Variants in ITFG1 observed in about 807,000 individuals in gnomAD.
ITFG1 encodes the protein T-cell immunomodulatory protein.
In ITFG1, 34 loss-of-function variants were observed where a neutral mutation model predicts 81.8. The observed-to-expected ratio is 0.42, with a 90% CI of 0.32 to 0.55. ITFG1 has a LOEUF of 0.55. ITFG1 is among the 20% of genes least tolerant of loss of function. The pLI, the probability that ITFG1 is intolerant of heterozygous loss-of-function variation, is 0.17. For missense variants in ITFG1, 672 were observed against 755.4 expected (o/e 0.89, Z 1.29); for synonymous variants, 285 against 270.6 (o/e 1.05, Z -0.52).
Position 47,311,250 on chromosome 16 carries a change from T to C in ITFG1, c.1060A>G (p.Thr354Ala), listed in dbSNP as rs1183544993. 6.2e-7 allele frequency: 1 copy of C among 1,604,100 alleles called. No homozygotes were observed. Among genetic ancestry groups the C allele is most frequent in the African/African-American group, 1.3e-5 (1 of 74,590 alleles). Reference sequence around the variant, plus strand: ...ATTTAATTTCCTTACCTTCCAGATGTGTTCTTTAGTATGACCAGAGCGTCT... The same window carrying C: ...ATTTAATTTCCTTACCTTCCAGATGCGTTCTTTAGTATGACCAGAGCGTCT... ...YPDALVILKN[T>A]SGSNQQAFLL... Residue 354 changes from threonine (T) to alanine (A), a missense_variant, in exon 10 of 18, where the codon ACA (threonine) becomes GCA (alanine). By Grantham distance (58) the Thr-to-Ala change is moderately conservative. This residue lies in a region of ITFG1 where 560 missense variants were observed against 625.7 expected (regional missense o/e 0.90). Transcript: ENST00000320640.
chr16:47,223,424 C>T (rs1034452407), intron 13 of ITFG1, among the ~76,000 whole-genome samples: 5 of 152,192 alleles, frequency 3.3e-5, no homozygotes, highest in African/African-American at 1.2e-4. Context: ...AGACACTTCT[C>T]AAAAGAAGAC....
At chr16:47,276,471 T>A (rs1283251956) in intron 10 of ITFG1, among the ~76,000 whole-genome samples, 3 of 152,092 alleles carry the variant, frequency 2.0e-5, no homozygotes, top group Non-Finnish European at 4.4e-5. Context: ...TAAAATGTAA[T>A]CAAATCAATC....
intron 14 of ITFG1, among the ~76,000 whole-genome samples, chr16:47,185,072 G>A (rs1427960787): frequency 1.3e-5 from 2 of 151,566 alleles, no homozygotes; most frequent in African/African-American, 4.9e-5. Context: ...TCAACAAGAA[G>A]AGCTAACTAT....
chr16:47,193,526 C>T (rs1034715793), intron 14 of ITFG1, among the ~76,000 whole-genome samples: 5 of 151,964 alleles, frequency 3.3e-5, no homozygotes, highest in Non-Finnish European at 5.9e-5. Flanking sequence ...GAAACCTCAC[C>T]TCTACAAAAA....
chr16:47,355,445 T>C (rs1432008373), intron 8 of ITFG1, among the ~76,000 whole-genome samples: 1 of 152,160 alleles, frequency 6.6e-6, no homozygotes, highest in African/African-American at 2.4e-5. Context: ...ACTGGCAGAA[T>C]ACTTTCTGGT....
chr16:47,348,464 T>C (rs1055594513), intron 8 of ITFG1, among the ~76,000 whole-genome samples: 3 of 152,150 alleles, frequency 2.0e-5, no homozygotes, highest in Admixed American at 1.3e-4. Context: ...GTATCAGTGA[T>C]GGAAGATCAA....
intron 6 of ITFG1, among the ~76,000 whole-genome samples, chr16:47,415,308 C>A (rs1968860344): frequency 6.6e-6 from 1 of 152,118 alleles, no homozygotes; most frequent in African/African-American, 2.4e-5. Flanking sequence ...TAACAGATGG[C>A]CACTTCTGCT....
chr16:47,180,388 C>T lies in ITFG1; in HGVS notation c.1454-17724G>A, dbSNP rs553222671. Among the ~76,000 whole-genome samples, 5 of 151,908 alleles carry T rather than the reference C, an allele frequency of 3.3e-5. No homozygotes were observed. In the South Asian group the frequency reaches 1.0e-3, roughly 32 times the overall value. ...CTCCCTCCCCCTCCCCCTCTCCCCA[C>T]GGTCTCCCTCTCCCTCTCTTTCCAC... is the stretch of plus-strand genomic sequence containing the variant. On this transcript the variant is annotated intron_variant, in intron 14 of 17. Coordinates refer to ENST00000320640, the MANE Select transcript of ITFG1 (RefSeq NM_030790.5).
intron 16 of ITFG1, among the ~76,000 whole-genome samples, chr16:47,160,292 G>C (rs1188495902): frequency 2.0e-5 from 3 of 150,412 alleles, no homozygotes; most frequent in Non-Finnish European, 3.0e-5. Context: ...TTTTATACAT[G>C]TATGAACATG....
At chr16:47,283,665 G>A (rs972164343) in intron 10 of ITFG1, among the ~76,000 whole-genome samples, 1 of 152,162 alleles carries the variant, frequency 6.6e-6, no homozygotes, top group African/African-American at 2.4e-5. Flanking sequence ...AAGAACAAGT[G>A]GTGCTAACAC....
intron 1 of ITFG1, among the ~76,000 whole-genome samples, chr16:47,459,420 G>A (rs1159853526): frequency 6.6e-6 from 1 of 152,212 alleles, no homozygotes; most frequent in East Asian, 1.9e-4. Context: ...CTGATCAAGA[G>A]AAACTGAAGC....
At chr16:47,198,687 G>A (rs1965386761) in intron 14 of ITFG1, among the ~76,000 whole-genome samples, 1 of 152,158 alleles carries the variant, frequency 6.6e-6, no homozygotes, top group African/African-American at 2.4e-5. Flanking sequence ...TATTGCCCCT[G>A]AAGACTTTCT....
intron 5 of ITFG1, 119 bp downstream of exon 5, chr16:47,451,277 C>A: frequency 1.7e-6 from 1 of 595,312 alleles, no homozygotes; most frequent in Non-Finnish European, 2.9e-6. Flanking sequence ...TATATATTAA[C>A]CAAATGCCCA....
chr16:47,345,780 T>G (rs1967845665), intron 8 of ITFG1, among the ~76,000 whole-genome samples: 2 of 152,268 alleles, frequency 1.3e-5, no homozygotes, highest in South Asian at 4.2e-4. Flanking sequence ...AGCAAAGAAA[T>G]GGTACTATAA....
At chr16:47,452,441 A>T (rs1411024638) in intron 4 of ITFG1, among the ~76,000 whole-genome samples, 1 of 152,220 alleles carries the variant, frequency 6.6e-6, no homozygotes, top group African/African-American at 2.4e-5. Flanking sequence ...ATCAAATATA[A>T]CAGTTTTACT....
At chr16:47,428,668 T>C (rs1224854439) in intron 6 of ITFG1, 136 bp downstream of exon 6, 4 of 654,696 alleles carry the variant, frequency 6.1e-6, no homozygotes, top group Non-Finnish European at 1.1e-5. Flanking sequence ...TGTTTCCAAA[T>C]CACTGACTTT....
chr16:47,403,162 A>G (rs143036619), intron 6 of ITFG1, among the ~76,000 whole-genome samples: 352 of 152,098 alleles, frequency 2.3e-3, no homozygotes, highest in Middle Eastern at 0.014. Context: ...CCCTTTCCTT[A>G]TAACACACAA....
intron 10 of ITFG1, among the ~76,000 whole-genome samples, chr16:47,293,390 C>T (rs1292745042): frequency 1.3e-5 from 2 of 151,784 alleles, no homozygotes; most frequent in East Asian, 3.9e-4. Context: ...ATTGCTGCAT[C>T]GAATGGTAGT....
In ITFG1 at chr16:47,428,825, G is replaced by C. The variant is rs781135795; in HGVS notation, c.634C>G (p.Leu212Val). The change falls in exon 6 of 18, where the codon CTG (leucine) becomes GTG (valine). Residue 212 changes from leucine (L) to valine (V), a missense_variant. Leu to Val is a conservative substitution (Grantham distance 32). This residue lies in a region of ITFG1 where 560 missense variants were observed against 625.7 expected (regional missense o/e 0.90). Transcript: ENST00000320640. ...TCACCTGCTGTAAAATCTTCAGTCAGATCAATAAATGCATGAGAATGTGGA... is the reference window on the plus strand; with the variant it reads ...TCACCTGCTGTAAAATCTTCAGTCACATCAATAAATGCATGAGAATGTGGA... ...RIPHSHAFIDLTEDFTADLFL... is the reference protein window; with the variant it reads ...RIPHSHAFIDVTEDFTADLFL... 9 of 1,609,296 alleles carry C rather than the reference G, an allele frequency of 5.6e-6. No homozygotes were observed. The highest frequency in any genetic ancestry group is 3.3e-5 in the Admixed American group (2 of 59,752).
Sources: allele counts gnomAD v4.1 joint callset (sites outside exome capture counted in the v4.1 genomes callset), GRCh38; gene constraint gnomAD v4.1.1; regional missense constraint gnomAD v4.1.1; transcripts MANE v1.5; gene names NCBI Gene and HGNC (gene_info 2026-07-23, HGNC 2026-07-21).